SYNPR: variants seen among roughly 807,000 people sequenced by gnomAD.
SYNPR encodes synaptoporin.
SYNPR carries 23 observed loss-of-function variants against 32.9 expected under a neutral mutation model. That is an observed-to-expected ratio of 0.70 (90% confidence interval 0.50 to 0.99). The LOEUF (loss-of-function observed/expected upper bound fraction) is 0.99. Among genes scored for constraint, SYNPR ranks in the 50% least tolerant of loss-of-function variants. SYNPR has a pLI of 0.00. For missense variants in SYNPR, 318 were observed against 349.3 expected (o/e 0.91, Z 0.71); for synonymous variants, 146 against 135.9 (o/e 1.07, Z -0.52).
chr3:63,222,021 T>TTC, the SYNPR span, among the ~76,000 whole-genome samples: 1 of 134,096 alleles, frequency 7.5e-6, no homozygotes, highest in Non-Finnish European at 1.6e-5. Flanking sequence ...ATTTTTTTTT[T>TTC]TTTTTTTTTT....
At chr3:63,320,077 G>A (rs537288611) in intron 2 of SYNPR, among the ~76,000 whole-genome samples, 4 of 152,102 alleles carry the variant, frequency 2.6e-5, no homozygotes, top group Admixed American at 2.0e-4. Flanking sequence ...AGCCTCCAGA[G>A]TAGGTGGGAC....
chr3:63,413,969 AC>A (rs1451874648), intron 2 of SYNPR, among the ~76,000 whole-genome samples: 2 of 151,614 alleles, frequency 1.3e-5, no homozygotes, highest in East Asian at 1.9e-4. Context: ...AGTATAAGAA[AC>A]CCCAAGAGGA....
Position 63,578,812 on chromosome 3 carries a change from T to G in SYNPR, c.408+22071T>G, listed in dbSNP as rs553314231. On this transcript the variant is annotated intron_variant, in intron 4 of 5. Coordinates refer to ENST00000478300, the MANE Select transcript of SYNPR (RefSeq NM_001130003.2). ...TGACTTGCCTGCATGGCAGAACTTGTAGAGTTCAGCAAGGCAGATACACCC... is the reference window on the plus strand; with the variant it reads ...TGACTTGCCTGCATGGCAGAACTTGGAGAGTTCAGCAAGGCAGATACACCC... Among the ~76,000 whole-genome samples, 6 of 152,242 alleles carry G rather than the reference T, an allele frequency of 3.9e-5. No homozygotes were observed. In the South Asian group the frequency reaches 1.0e-3, roughly 26 times the overall value.
At chr3:63,454,505 C>T (rs868678295) in intron 2 of SYNPR, among the ~76,000 whole-genome samples, 3 of 151,996 alleles carry the variant, frequency 2.0e-5, no homozygotes, top group Non-Finnish European at 4.4e-5. Flanking sequence ...TAACAATAGC[C>T]CCATGAAACA....
chr3:63,595,955 A>ATATATATAGTTT (rs1699953002), intron 4 of SYNPR, among the ~76,000 whole-genome samples: 1 of 85,742 alleles, frequency 1.2e-5, no homozygotes, highest in African/African-American at 4.0e-5. Context: ...ATAGTTTTAT[A>ATATATATAGTTT]TATATAGTTT....
At chr3:63,427,649 T>C (rs1050750472) in intron 2 of SYNPR, 1 of 152,030 alleles carries the variant, frequency 6.6e-6, no homozygotes, top group African/African-American at 2.4e-5. Context: ...AATGGAGGAG[T>C]GGGTGGAAAT....
chr3:63,403,780 A>C (rs11914793), intron 2 of SYNPR, among the ~76,000 whole-genome samples: 1,795 of 152,258 alleles, frequency 0.012, 37 homozygotes, highest in African/African-American at 0.041. Context: ...GTAACCTAAG[A>C]GAGAACAAGG....
At chr3:63,592,718 A>G (rs1237707260) in intron 4 of SYNPR, among the ~76,000 whole-genome samples, 7 of 152,094 alleles carry the variant, frequency 4.6e-5, no homozygotes, top group Non-Finnish European at 8.8e-5. Context: ...AAATAAATAA[A>G]TGAGTAAACC....
chr3:63,433,633 T>G (rs1388287533), intron 2 of SYNPR, among the ~76,000 whole-genome samples: 1 of 152,180 alleles, frequency 6.6e-6, no homozygotes, highest in Non-Finnish European at 1.5e-5. Flanking sequence ...ATGAGCTGCT[T>G]CGTGGTGGCT....
chr3:63,547,009 G>C (rs778065978), intron 3 of SYNPR, among the ~76,000 whole-genome samples: 1 of 152,064 alleles, frequency 6.6e-6, no homozygotes, highest in Non-Finnish European at 1.5e-5. Context: ...CTTGAGTCTG[G>C]CATATGGGAA....
intron 2 of SYNPR, among the ~76,000 whole-genome samples, chr3:63,403,888 C>G (rs1465899131): frequency 6.6e-6 from 1 of 152,138 alleles, no homozygotes; most frequent in Non-Finnish European, 1.5e-5. Flanking sequence ...TGGGAGCCAT[C>G]CTTGATCGAC....
chr3:63,505,424 GAAGTAA>G (rs1261849563), intron 3 of SYNPR, among the ~76,000 whole-genome samples: 3 of 152,082 alleles, frequency 2.0e-5, no homozygotes, highest in Non-Finnish European at 4.4e-5. Context: ...ATACTGGTGA[GAAGTAA>G]AAATATCTTA....
the SYNPR span, among the ~76,000 whole-genome samples, chr3:63,214,358 A>C: frequency 2.6e-5 from 1 of 38,868 alleles, no homozygotes; most frequent in African/African-American, 8.6e-5. Context: ...TTGGTTGGTA[A>C]ACTATTGATT....
intron 3 of SYNPR, among the ~76,000 whole-genome samples, chr3:63,483,380 G>C (rs948839078): frequency 2.2e-4 from 33 of 152,154 alleles, no homozygotes; most frequent in Middle Eastern, 3.4e-3. Context: ...AAATATAATA[G>C]TAAATGCACA....
intron 1 of SYNPR, among the ~76,000 whole-genome samples, chr3:63,247,086 G>A (rs1322155882): frequency 6.6e-6 from 1 of 151,666 alleles, no homozygotes; most frequent in Non-Finnish European, 1.5e-5. Flanking sequence ...AAAAAAAAAA[G>A]TTTAGCATAA....
the SYNPR span, among the ~76,000 whole-genome samples, chr3:63,202,364 C>A: frequency 6.6e-6 from 1 of 152,140 alleles, no homozygotes; most frequent in Non-Finnish European, 1.5e-5. Flanking sequence ...ATTTTCTCCA[C>A]ACCCTGCTTG....
intron 2 of SYNPR, among the ~76,000 whole-genome samples, chr3:63,480,324 C>T (rs1002342649): frequency 3.9e-5 from 6 of 152,328 alleles, no homozygotes; most frequent in Admixed American, 1.3e-4. Context: ...TAGAAACTCA[C>T]CTACTCTTCC....
intron 2 of SYNPR, among the ~76,000 whole-genome samples, chr3:63,411,992 T>C (rs890904445): frequency 6.6e-6 from 1 of 151,980 alleles, no homozygotes; most frequent in East Asian, 1.9e-4. Flanking sequence ...ACAATTGTGA[T>C]AGTGCAGGCC....
At chr3:63,594,763 C>A (rs1004337502) in intron 4 of SYNPR, among the ~76,000 whole-genome samples, 4 of 152,200 alleles carry the variant, frequency 2.6e-5, no homozygotes, top group African/African-American at 9.6e-5. Flanking sequence ...TCATCATTAT[C>A]ATCATGATCA....
Sources: gnomAD v4.1 joint callset for allele counts (sites outside exome capture counted in the v4.1 genomes callset) on GRCh38, gnomAD v4.1.1 for gene constraint, MANE v1.5 for transcripts, NCBI Gene and HGNC (gene_info 2026-07-23, HGNC 2026-07-21) for gene names.